SUFU: variants seen among roughly 807,000 people sequenced by gnomAD.
SUFU encodes suppressor of fused homolog.
In SUFU, 7 loss-of-function variants were observed where a neutral mutation model predicts 58.9. The observed-to-expected ratio is 0.12, with a 90% CI of 0.07 to 0.22. SUFU has a LOEUF of 0.22. SUFU is among the 10% of genes least tolerant of loss of function. SUFU has a pLI of 1.00. For synonymous variants in SUFU, 232 were observed against 254.8 expected (o/e 0.91, Z 0.85); for missense variants, 451 against 641.3 (o/e 0.70, Z 3.20).
intron 2 of SUFU, among the ~76,000 whole-genome samples, chr10:102,527,372 T>A (rs1202013311): frequency 6.6e-6 from 1 of 151,654 alleles, no homozygotes; most frequent in African/African-American, 2.4e-5. Flanking sequence ...TGGAGTGGGG[T>A]TTTAGGAAGC....
chr10:102,599,931 C>T (rs574009990), intron 8 of SUFU, among the ~76,000 whole-genome samples: 4 of 152,128 alleles, frequency 2.6e-5, no homozygotes, highest in Admixed American at 6.5e-5. Context: ...GCCTGGTCTC[C>T]GGCTGATAGC....
chr10:102,542,580 C>T (rs56219824), intron 2 of SUFU, among the ~76,000 whole-genome samples: 46,002 of 150,730 alleles, frequency 0.31, 7,295 homozygotes, highest in Admixed American at 0.36. Flanking sequence ...TGGCTCCTAT[C>T]TTCCTTTCTT....
chr10:102,621,894 C>T (rs534273015), intron 10 of SUFU, among the ~76,000 whole-genome samples: 3 of 152,358 alleles, frequency 2.0e-5, no homozygotes, highest in East Asian at 1.9e-4. Flanking sequence ...TCTGAATCGG[C>T]GTCAGATCTG....
chr10:102,561,953 C>A (rs1210594066), intron 3 of SUFU, among the ~76,000 whole-genome samples: 1 of 152,070 alleles, frequency 6.6e-6, no homozygotes, highest in Non-Finnish European at 1.5e-5. Context: ...ATAGGCATGA[C>A]CCACTGCGCC....
intron 3 of SUFU, among the ~76,000 whole-genome samples, chr10:102,557,761 G>A (rs777884497): frequency 3.9e-5 from 6 of 152,138 alleles, no homozygotes; most frequent in African/African-American, 1.2e-4. Flanking sequence ...TCTGTATGTT[G>A]ATCTTGTTCT....
At chr10:102,506,844 A>G (rs567326397) in intron 1 of SUFU, among the ~76,000 whole-genome samples, 1 of 152,180 alleles carries the variant, frequency 6.6e-6, no homozygotes, top group Non-Finnish European at 1.5e-5. Flanking sequence ...TTCATTTTGC[A>G]ATAGCAGTGT....
intron 2 of SUFU, among the ~76,000 whole-genome samples, chr10:102,533,461 C>T (rs542164399): frequency 1.6e-4 from 25 of 151,778 alleles, no homozygotes; most frequent in Middle Eastern, 3.4e-3. Flanking sequence ...GTGGTCCCAG[C>T]TATTTGGGAG....
At chr10:102,622,696 G>A (rs1266878742) in intron 10 of SUFU, among the ~76,000 whole-genome samples, 1 of 152,040 alleles carries the variant, frequency 6.6e-6, no homozygotes, top group Non-Finnish European at 1.5e-5. Flanking sequence ...GCTCACGCCT[G>A]TAATCCCAAC....
intron 3 of SUFU, among the ~76,000 whole-genome samples, chr10:102,551,138 G>A (rs2062910092): frequency 6.6e-6 from 1 of 152,178 alleles, no homozygotes; most frequent in South Asian, 2.1e-4. Context: ...CACACCTGTG[G>A]GAGCCAGTTG....
chr10:102,610,907 G>A (rs181644313), intron 8 of SUFU, among the ~76,000 whole-genome samples: 60 of 152,298 alleles, frequency 3.9e-4, no homozygotes, highest in Admixed American at 6.5e-4. Context: ...GGGAGATTTC[G>A]TTGACAGAGG....
At chr10:102,504,478 G>A (rs1324610472) in intron 1 of SUFU, 144 bp downstream of exon 1, 20 of 1,490,958 alleles carry the variant, frequency 1.3e-5, no homozygotes, top group Non-Finnish European at 1.8e-5. Flanking sequence ...GCGAGGGAAG[G>A]AGTTAAGGCT....
intron 2 of SUFU, among the ~76,000 whole-genome samples, chr10:102,542,778 C>A (rs2062816971): frequency 6.6e-6 from 1 of 152,136 alleles, no homozygotes; most frequent in South Asian, 2.1e-4. Flanking sequence ...GCACGTGCCA[C>A]CATGCCCAGC....
intron 3 of SUFU, among the ~76,000 whole-genome samples, chr10:102,578,450 C>G (rs2063237445): frequency 6.6e-6 from 1 of 151,932 alleles, no homozygotes; most frequent in Admixed American, 6.6e-5. Context: ...GCAGTGGCAC[C>G]TGTAACCCCA....
chr10:102,588,583 G>A (rs996117811), intron 3 of SUFU, among the ~76,000 whole-genome samples: 1 of 152,126 alleles, frequency 6.6e-6, no homozygotes, highest in Non-Finnish European at 1.5e-5. Flanking sequence ...TCTTCTTTAA[G>A]AATGTTTTGG....
chr10:102,515,508 G>C (rs1011929475), intron 2 of SUFU, among the ~76,000 whole-genome samples: 7 of 151,926 alleles, frequency 4.6e-5, no homozygotes, highest in African/African-American at 1.7e-4. Context: ...TAGAGACGGG[G>C]TTTCACCATG....
At chr10:102,589,345 C>T (rs2182392) in intron 3 of SUFU, among the ~76,000 whole-genome samples, 151,043 of 152,114 alleles carry the variant, frequency 0.99, 74,995 homozygotes, top group East Asian at 1. Context: ...TAATTTTTAG[C>T]ACATTCCTTA....
intron 2 of SUFU, among the ~76,000 whole-genome samples, chr10:102,526,610 A>C (rs2062611043): frequency 6.6e-6 from 1 of 152,144 alleles, no homozygotes; most frequent in Non-Finnish European, 1.5e-5. Flanking sequence ...ACATGGGTAG[A>C]AGTAGTGGTT....
intron 1 of SUFU, among the ~76,000 whole-genome samples, chr10:102,505,086 A>G (rs1215402219): frequency 6.6e-6 from 1 of 152,154 alleles, no homozygotes; most frequent in East Asian, 1.9e-4. Flanking sequence ...TTAGGATTGA[A>G]GGGGCCGACA....
intron 3 of SUFU, 91 bp from the exon 4 acceptor site, chr10:102,592,491 C>A (rs1458764989): frequency 1.3e-6 from 2 of 1,506,118 alleles, no homozygotes; most frequent in Admixed American, 1.7e-5. Flanking sequence ...GGCTGGGAAG[C>A]CTCCCAGCCT....
Sources: gnomAD v4.1 joint callset for allele counts (sites outside exome capture counted in the v4.1 genomes callset) on GRCh38, gnomAD v4.1.1 for gene constraint, MANE v1.5 for transcripts, NCBI Gene and HGNC (gene_info 2026-07-23, HGNC 2026-07-21) for gene names.